MAML2: variants seen among roughly 807,000 people sequenced by gnomAD.
MAML2 encodes mastermind-like protein 2.
In MAML2, 22 loss-of-function variants were observed where a neutral mutation model predicts 96.1. That is an observed-to-expected ratio of 0.23 (90% CI 0.16 to 0.33). MAML2 has a LOEUF of 0.33. MAML2 is among the 10% of genes least tolerant of loss of function. MAML2 has a pLI of 1.00. For missense variants in MAML2, 1,367 were observed against 1,392.4 expected (o/e 0.98, Z 0.29); for synonymous variants, 561 against 521.3 (o/e 1.08, Z -1.04).
intron 1 of MAML2, among the ~76,000 whole-genome samples, chr11:96,250,616 G>T (rs993868551): frequency 1.3e-5 from 2 of 152,164 alleles, no homozygotes; most frequent in Admixed American, 6.5e-5. Context: ...TTGAATGAAT[G>T]AATATATTGA....
At chr11:96,250,295 G>A (rs1363453414) in intron 1 of MAML2, among the ~76,000 whole-genome samples, 1 of 148,192 alleles carries the variant, frequency 6.7e-6, no homozygotes, top group African/African-American at 2.5e-5. Context: ...TGAAAAAAAT[G>A]TACATATTCA....
chr11:96,233,496 C>T (rs574195675), intron 1 of MAML2, among the ~76,000 whole-genome samples: 68 of 151,988 alleles, frequency 4.5e-4, no homozygotes, highest in African/African-American at 1.6e-3. Flanking sequence ...CAGGCTTAAC[C>T]TCCTAGGCTC....
At position 96,101,011 on chromosome 11, in the gene MAML2, G is replaced by A. The variant is rs931200301; in HGVS notation, c.514-7494C>T. On this transcript the variant is annotated intron_variant, in intron 1 of 4. Transcript: ENST00000524717. ...TCCTCCTGCCTTGATCTCCCAAAGTGCTGGGATTACAGCTGTGAGCCATTG... is the reference window on the plus strand; with the variant it reads ...TCCTCCTGCCTTGATCTCCCAAAGTACTGGGATTACAGCTGTGAGCCATTG... Among the ~76,000 whole-genome samples, 10 of 152,160 alleles carry A rather than the reference G, an allele frequency of 6.6e-5. 1 individual carries two copies. Among genetic ancestry groups the A allele is most frequent in the Admixed American group, 3.9e-4 (6 of 15,276 alleles).
chr11:96,232,211 G>A (rs1644969144), intron 1 of MAML2, among the ~76,000 whole-genome samples: 2 of 152,178 alleles, frequency 1.3e-5, no homozygotes, highest in Admixed American at 6.5e-5. Flanking sequence ...GCTCCTCCAT[G>A]AGCCACGTGC....
intron 1 of MAML2, among the ~76,000 whole-genome samples, chr11:96,185,572 G>T (rs1012016306): frequency 6.6e-6 from 1 of 152,150 alleles, no homozygotes; most frequent in African/African-American, 2.4e-5. Context: ...ACTAGTTTGG[G>T]GTCTAGATGA....
At chr11:95,984,194 A>G (rs1167903533) in intron 4 of MAML2, among the ~76,000 whole-genome samples, 1 of 152,246 alleles carries the variant, frequency 6.6e-6, no homozygotes, top group African/African-American at 2.4e-5. Context: ...TTTGTAGCCT[A>G]GAAGCAATCA....
intron 2 of MAML2, among the ~76,000 whole-genome samples, chr11:96,030,394 A>G (rs1366934879): frequency 2.0e-5 from 3 of 152,178 alleles, no homozygotes; most frequent in African/African-American, 7.2e-5. Context: ...GGAAGAAATG[A>G]ATAGATAAAC....
At chr11:96,299,054 A>ATATAT (rs1484860694) in intron 1 of MAML2, among the ~76,000 whole-genome samples, 4 of 36,200 alleles carry the variant, frequency 1.1e-4, no homozygotes, top group Non-Finnish European at 1.6e-4. Flanking sequence ...CAAAAAAAAA[A>ATATAT]AAAAAAATAT....
intron 1 of MAML2, among the ~76,000 whole-genome samples, chr11:96,141,060 T>C (rs1209366266): frequency 6.6e-6 from 1 of 152,198 alleles, no homozygotes; most frequent in Non-Finnish European, 1.5e-5. Flanking sequence ...GTCTTTACCA[T>C]ACTGTTGACC....
At chr11:96,309,876 T>C (rs75948351) in intron 1 of MAML2, among the ~76,000 whole-genome samples, 2,085 of 151,700 alleles carry the variant, frequency 0.014, 56 homozygotes, top group African/African-American at 0.047. Context: ...ATTTATACAT[T>C]TTTTTTTGTA....
At chr11:96,155,015 T>C (rs181629658) in intron 1 of MAML2, among the ~76,000 whole-genome samples, 3 of 152,290 alleles carry the variant, frequency 2.0e-5, no homozygotes, top group Non-Finnish European at 4.4e-5. Flanking sequence ...AGGGAGTGCC[T>C]GCTGGCAGGG....
intron 1 of MAML2, among the ~76,000 whole-genome samples, chr11:96,118,302 A>T (rs758659270): frequency 1.4e-5 from 2 of 144,984 alleles, no homozygotes; most frequent in Non-Finnish European, 3.1e-5. Context: ...AATTGTAATC[A>T]TTGTAATCCC....
intron 2 of MAML2, among the ~76,000 whole-genome samples, chr11:96,030,463 T>C (rs1189081980): frequency 2.0e-5 from 3 of 152,094 alleles, no homozygotes; most frequent in Non-Finnish European, 4.4e-5. Context: ...AAAATTGTTA[T>C]ATAAGAATAA....
chr11:96,211,651 C>T (rs1861973675), intron 1 of MAML2, among the ~76,000 whole-genome samples: 1 of 151,998 alleles, frequency 6.6e-6, no homozygotes. Context: ...CAGGCAAGTA[C>T]TTGAGGAAAT....
intron 1 of MAML2, among the ~76,000 whole-genome samples, chr11:96,188,194 A>C (rs1861600817): frequency 6.6e-6 from 1 of 152,262 alleles, no homozygotes; most frequent in African/African-American, 2.4e-5. Flanking sequence ...AAACAAGCAC[A>C]TGTTTGAAAC....
At chr11:96,264,314 G>A (rs1316739487) in intron 1 of MAML2, among the ~76,000 whole-genome samples, 5 of 152,148 alleles carry the variant, frequency 3.3e-5, no homozygotes, top group African/African-American at 1.2e-4. Context: ...ATTCAGTTTA[G>A]TATCTGGAAA....
At chr11:96,052,321 T>C (rs1208891537) in intron 2 of MAML2, among the ~76,000 whole-genome samples, 2 of 152,160 alleles carry the variant, frequency 1.3e-5, no homozygotes, top group Non-Finnish European at 2.9e-5. Context: ...ACCCTTACCA[T>C]GAGGCATCTA....
chr11:96,012,543 CAT>C (rs1204066050), intron 2 of MAML2, among the ~76,000 whole-genome samples: 3 of 152,184 alleles, frequency 2.0e-5, no homozygotes, highest in Non-Finnish European at 4.4e-5. Context: ...TCTATGTGCA[CAT>C]GTCTTGACTT....
At chr11:96,294,286 A>G (rs979682115) in intron 1 of MAML2, among the ~76,000 whole-genome samples, 1 of 152,050 alleles carries the variant, frequency 6.6e-6, no homozygotes, top group Non-Finnish European at 1.5e-5. Context: ...TTTAGAAACA[A>G]GAATGTTCTC....
Sources: gnomAD v4.1 joint callset for allele counts (sites outside exome capture counted in the v4.1 genomes callset) on GRCh38, gnomAD v4.1.1 for gene constraint, MANE v1.5 for transcripts, NCBI Gene and HGNC (gene_info 2026-07-23, HGNC 2026-07-21) for gene names.